Variants in CDH12 observed in about 807,000 individuals in gnomAD.
CDH12 encodes the protein cadherin 12.
A neutral mutation model predicts 74.1 loss-of-function variants in CDH12; 41 were observed. The observed-to-expected ratio is 0.55, with a 90% CI of 0.43 to 0.72. The LOEUF (loss-of-function observed/expected upper bound fraction) is 0.72, where lower values mean the gene tolerates loss of function less well. CDH12 is among the 30% of genes least tolerant of loss of function. The pLI is 0.00. For synonymous variants in CDH12, 399 were observed against 355.0 expected (o/e 1.12, Z -1.39); for missense variants, 945 against 977.2 (o/e 0.97, Z 0.44).
intron 10 of CDH12, among the ~76,000 whole-genome samples, chr5:21,790,910 A>G (rs1393634759): frequency 2.6e-5 from 4 of 152,004 alleles, no homozygotes; most frequent in Admixed American, 2.0e-4. Flanking sequence ...CATAAACACA[A>G]ATATCCAGGC....
chr5:21,804,617 A>G (rs1747323574), intron 9 of CDH12, among the ~76,000 whole-genome samples: 1 of 150,104 alleles, frequency 6.7e-6, no homozygotes, highest in South Asian at 2.1e-4. Flanking sequence ...ACCTCTAATA[A>G]ATAAAATCAT....
chr5:22,435,522 G>A lies in CDH12; in HGVS notation c.-427-30171C>T, dbSNP rs140410998. On this transcript the variant is annotated intron_variant, in intron 2 of 14. Coordinates refer to ENST00000382254, the MANE Select transcript of CDH12 (RefSeq NM_004061.5). ...TATGTGTGTGTGTGTGTGTGTGTGT[G>A]TGTATATACATATATACTATTAGTT... Among the ~76,000 whole-genome samples the A allele has an allele frequency of 2.4e-4, 28 of 118,894 alleles. No individual in the cohort carries two copies. In the East Asian group the frequency reaches 2.5e-3, roughly 11 times the overall value. The allele number at this position is 118,894 out of a possible 152,430, so 78.0% of individuals were successfully genotyped here. A position where few individuals can be genotyped will look rare whatever the true frequency, so the allele number is the denominator to read the frequency against.
At chr5:22,013,438 A>G (rs10067731) in intron 5 of CDH12, among the ~76,000 whole-genome samples, 41,907 of 151,974 alleles carry the variant, frequency 0.28, 6,395 homozygotes, top group African/African-American at 0.4. Context: ...GGGACACAAA[A>G]CCTAACTATA....
intron 1 of CDH12, chr5:22,580,568 T>C: frequency 2.1e-6 from 1 of 474,056 alleles, no homozygotes; most frequent in South Asian, 1.6e-5. Context: ...TGTATGTGTC[T>C]TGTGCTCACT....
chr5:21,991,903 C>A (rs1757771311), intron 5 of CDH12, among the ~76,000 whole-genome samples: 1 of 151,784 alleles, frequency 6.6e-6, no homozygotes, highest in Non-Finnish European at 1.5e-5. Flanking sequence ...GGTCTTATAT[C>A]CTGTAATAGT....
Position 22,583,359 on chromosome 5 carries a change from C to T in CDH12, c.-522-77995G>A, listed in dbSNP as rs146211540. ...GCTGTTAATAGGCATGATTAGCAGA[C>T]ATGAAGAAGACAAATTTAAAATATT... is the stretch of plus-strand genomic sequence containing the variant. On this transcript the variant is annotated intron_variant, in intron 1 of 14. Coordinates refer to ENST00000382254, the MANE Select transcript of CDH12 (RefSeq NM_004061.5). Among the ~76,000 whole-genome samples, 523 of 152,102 alleles carry T rather than the reference C, an allele frequency of 3.4e-3. 4 individuals carry two copies. The highest frequency in any genetic ancestry group is 0.012 in the African/African-American group (498 of 41,494).
At chr5:22,780,265 C>A (rs981443316) in intron 1 of CDH12, among the ~76,000 whole-genome samples, 1 of 152,052 alleles carries the variant, frequency 6.6e-6, no homozygotes, top group Admixed American at 6.6e-5. Context: ...GTGGCACATG[C>A]CTGTATTCCT....
chr5:21,783,527 A>G (rs1207154193), intron 10 of CDH12, 33 bp from the exon 11 acceptor site: 4 of 1,542,106 alleles, frequency 2.6e-6, no homozygotes, highest in Non-Finnish European at 3.6e-6. Context: ...CAAATGTGCA[A>G]TGATTACACA....
intron 3 of CDH12, among the ~76,000 whole-genome samples, chr5:22,277,538 A>G (rs966883371): frequency 7.2e-5 from 11 of 151,982 alleles, no homozygotes; most frequent in Non-Finnish European, 1.2e-4. Context: ...GTTCTGATTA[A>G]AAAAAAACAA....
chr5:22,163,261 T>C (rs558676691), intron 4 of CDH12, among the ~76,000 whole-genome samples: 193 of 152,286 alleles, frequency 1.3e-3, no homozygotes, highest in African/African-American at 4.4e-3. Context: ...TGGTTGGACT[T>C]CTCATCCAAT....
At chr5:22,654,997 T>C (rs534050635) in intron 1 of CDH12, among the ~76,000 whole-genome samples, 2 of 152,302 alleles carry the variant, frequency 1.3e-5, no homozygotes, top group East Asian at 3.9e-4. Flanking sequence ...AGTTTTCTAA[T>C]AGGCAACCGT....
intron 1 of CDH12, among the ~76,000 whole-genome samples, chr5:22,701,580 A>C: frequency 6.6e-6 from 1 of 152,222 alleles, no homozygotes; most frequent in Non-Finnish European, 1.5e-5. Context: ...AGTAAGATCT[A>C]GCTCTCTGGA....
chr5:22,573,942 T>A (rs1415099569), intron 1 of CDH12, among the ~76,000 whole-genome samples: 2 of 152,250 alleles, frequency 1.3e-5, no homozygotes, highest in East Asian at 3.9e-4. Flanking sequence ...TCACGCTAAA[T>A]GGTGTTGAAC....
intron 5 of CDH12, among the ~76,000 whole-genome samples, chr5:22,024,384 C>T (rs898237928): frequency 6.6e-6 from 1 of 152,110 alleles, no homozygotes; most frequent in Non-Finnish European, 1.5e-5. Context: ...TTTGCATTTT[C>T]TCACTTAAAA....
chr5:22,636,437 T>A (rs1738844869), intron 1 of CDH12, among the ~76,000 whole-genome samples: 1 of 152,200 alleles, frequency 6.6e-6, no homozygotes, highest in Non-Finnish European at 1.5e-5. Context: ...AACTTATGAG[T>A]AGATAAATGC....
In CDH12 at chr5:21,928,413, C is replaced by T. The variant is rs114349413; in HGVS notation, c.526+46678G>A. Among the ~76,000 whole-genome samples the T allele has an allele frequency of 4.6e-3, 698 of 152,320 alleles. 8 individuals are homozygous for T. The highest frequency in any genetic ancestry group is 0.016 in the African/African-American group (672 of 41,586). On this transcript the variant is annotated intron_variant, in intron 6 of 14. Transcript: ENST00000382254. ...AGGAAAGCAATGTTGTCATGCAAGA[C>T]TCCAGTGCTGGTTAGAGCAAGAAGA...
At chr5:22,655,832 C>G (rs1017875927) in intron 1 of CDH12, among the ~76,000 whole-genome samples, 1 of 152,196 alleles carries the variant, frequency 6.6e-6, no homozygotes, top group Non-Finnish European at 1.5e-5. Context: ...AGAATTTTAA[C>G]TAAGTCTGAC....
intron 3 of CDH12, among the ~76,000 whole-genome samples, chr5:22,391,381 G>A (rs1356371026): frequency 1.3e-5 from 2 of 152,288 alleles, no homozygotes; most frequent in South Asian, 2.1e-4. Context: ...CAACAAATAT[G>A]TATTGAATGC....
At position 21,805,870 on chromosome 5, in the gene CDH12, T is replaced by C. The variant is rs189714088; in HGVS notation, c.1003-3450A>G. 2.6e-5 allele frequency among the ~76,000 whole-genome samples: 4 copies of C among 152,310 alleles called. No individual in the cohort carries two copies. The East Asian group carries it at 5.8e-4, about 22-fold the overall frequency. Reference sequence around the variant, plus strand: ...ACTAATTTATCTCTTGCACAATAAATAGAGAACTTTGTGGCATGGCTTGGA... The same window carrying C: ...ACTAATTTATCTCTTGCACAATAAACAGAGAACTTTGTGGCATGGCTTGGA... On this transcript the variant is annotated intron_variant, in intron 9 of 14. Coordinates refer to ENST00000382254, the MANE Select transcript of CDH12 (RefSeq NM_004061.5).
Sources: gnomAD v4.1 joint callset for allele counts (sites outside exome capture counted in the v4.1 genomes callset) on GRCh38, gnomAD v4.1.1 for gene constraint, MANE v1.5 for transcripts, NCBI Gene and HGNC (gene_info 2026-07-23, HGNC 2026-07-21) for gene names.